The following PER2 variants were observed in gnomAD, a reference collection of about 807,000 sequenced individuals.
PER2 encodes the protein period circadian protein homolog 2.
Under a neutral mutation model 121.0 loss-of-function variants are expected in PER2, and 66 were observed. The ratio of observed to expected loss-of-function variants is 0.55; its 90% CI spans 0.45 to 0.67. PER2 has a LOEUF of 0.67. PER2 is among the 30% of genes least tolerant of loss of function. PER2 has a pLI of 0.00. For synonymous variants in PER2, 684 were observed against 659.9 expected (o/e 1.04, Z -0.56); for missense variants, 1,521 against 1,635.0 (o/e 0.93, Z 1.20).
intron 6 of PER2, among the ~76,000 whole-genome samples, chr2:238,269,340 C>T (rs12994572): frequency 0.083 from 12,115 of 146,368 alleles, 348 homozygotes; most frequent in Middle Eastern, 0.12. Context: ...AACACACTCA[C>T]GGTGCACTGC....
intron 9 of PER2, among the ~76,000 whole-genome samples, chr2:238,263,824 T>C (rs562480483): frequency 1.6e-4 from 24 of 152,346 alleles, no homozygotes; most frequent in African/African-American, 5.5e-4. Flanking sequence ...TATTCTTTGA[T>C]TTCCTCCTTC....
At chr2:238,248,913 C>T (rs1695520646) in intron 22 of PER2, 149 bp downstream of exon 22, 3 of 846,656 alleles carry the variant, frequency 3.5e-6, no homozygotes, top group Non-Finnish European at 4.0e-6. Context: ...CTTCGGCCTC[C>T]CAAAGTGCTG....
chr2:238,282,517 A>G (rs542897519), intron 1 of PER2, among the ~76,000 whole-genome samples: 1 of 152,218 alleles, frequency 6.6e-6, no homozygotes, highest in Non-Finnish European at 1.5e-5. Flanking sequence ...ACACCCACTA[A>G]AAGGATAGAG....
chr2:238,284,010 C>T (rs552771096), intron 1 of PER2, among the ~76,000 whole-genome samples: 1 of 152,300 alleles, frequency 6.6e-6, no homozygotes, highest in African/African-American at 2.4e-5. Flanking sequence ...TCCTTAACCT[C>T]CCTGAGCCTT....
In PER2 at chr2:238,263,165, A is replaced by G. The variant is rs768843917; in HGVS notation, c.1047-107T>C. On this transcript the variant is annotated intron_variant, in intron 9 of 22. Transcript: ENST00000254657. ...AAAGAGAAGATACACTCCAAACCCC[A>G]CCCCCTCCCCCACCCCCGGAGATCA... The G allele has an allele frequency of 4.5e-6, 3 of 671,104 alleles. No homozygotes were observed. The Admixed American group carries it at 7.0e-5, about 16-fold the overall frequency. 41.6% of individuals were successfully genotyped at this position (671,104 alleles called of 1,614,324 possible). A position where few individuals can be genotyped will look rare whatever the true frequency, so the allele number is the denominator to read the frequency against.
chr2:238,266,501 T>G (rs1157857762), intron 8 of PER2, among the ~76,000 whole-genome samples: 1 of 152,182 alleles, frequency 6.6e-6, no homozygotes, highest in Non-Finnish European at 1.5e-5. Context: ...ACAAAGCTGA[T>G]AGAGTAATTT....
intron 1 of PER2, among the ~76,000 whole-genome samples, chr2:238,282,388 C>T (rs1696655056): frequency 6.6e-6 from 1 of 152,130 alleles, no homozygotes; most frequent in South Asian, 2.1e-4. Flanking sequence ...CTGCCTGCCT[C>T]CCCTCTGGGA....
At chr2:238,288,006 T>C (rs1696840188) in intron 1 of PER2, among the ~76,000 whole-genome samples, 1 of 152,084 alleles carries the variant, frequency 6.6e-6, no homozygotes, top group Non-Finnish European at 1.5e-5. Context: ...GGGCGAACAT[T>C]AGAGGGTCTC....
In PER2 at chr2:238,260,859, T is replaced by C. The variant is rs1320524299; in HGVS notation, c.1511A>G (p.Asn504Ser). Residue 504 changes from asparagine to serine, a missense_variant, in exon 13 of 23, where the codon AAC (asparagine) becomes AGC (serine). Asn to Ser is a conservative substitution (Grantham distance 46). Transcript: ENST00000254657. ...CCTCCGGCGTGAGTCCTCATGGCCG[T>C]TGCTGTCGCTGGAGGAGGTCTGGCT... The part of the protein sequence containing the change: ...LMSQTSSSDS[N>S]GHEDSRRRRA... The C allele has an allele frequency of 4.3e-6, 7 of 1,614,084 alleles. No homozygotes were observed. The South Asian group carries it at 4.4e-5, about 10-fold the overall frequency.
At chr2:238,266,448 C>G (rs1368778625) in intron 8 of PER2, among the ~76,000 whole-genome samples, 1 of 152,116 alleles carries the variant, frequency 6.6e-6, no homozygotes, top group Non-Finnish European at 1.5e-5. Context: ...GCAAATGTCA[C>G]TATACTGGAG....
chr2:238,266,627 T>C (rs1696121317), intron 8 of PER2, among the ~76,000 whole-genome samples: 1 of 152,240 alleles, frequency 6.6e-6, no homozygotes, highest in African/African-American at 2.4e-5. Context: ...CTTGTTGAAC[T>C]CTAAGTACCC....
chr2:238,250,753 C>T lies in PER2; in HGVS notation c.3275-10G>A. On this transcript the variant is annotated splice_polypyrimidine_tract_variant and intron_variant, in intron 20 of 22. Coordinates refer to ENST00000254657, the MANE Select transcript of PER2 (RefSeq NM_022817.3). ...CTTGTGTCACTACTGCCTTTAAAAA[C>T]AAAAAACGTGGTGCGTCAAAACATT... The T allele has an allele frequency of 2.5e-6, 4 of 1,599,076 alleles. No individual in the cohort carries two copies. The highest frequency in any genetic ancestry group is 1.1e-5 in the South Asian group (1 of 90,666).
At chr2:238,286,144 G>A (rs1332616150) in intron 1 of PER2, among the ~76,000 whole-genome samples, 2 of 152,110 alleles carry the variant, frequency 1.3e-5, no homozygotes, top group African/African-American at 2.4e-5. Context: ...AGCAAATAAA[G>A]GCAAAAGTGT....
In PER2 at chr2:238,262,296, C is replaced by A. The variant is rs774249054; in HGVS notation, c.1202G>T (p.Arg401Leu). 4 of 1,613,936 alleles carry A rather than the reference C, an allele frequency of 2.5e-6. No homozygotes were observed. The East Asian group carries it at 8.9e-5, about 36-fold the overall frequency. Residue 401 changes from arginine (R) to leucine (L), a missense_variant, in exon 11 of 23, where the codon CGC becomes CTC. By Grantham distance (102) the Arg-to-Leu change is moderately radical. Coordinates refer to ENST00000254657, the MANE Select transcript of PER2 (RefSeq NM_022817.3). The stretch of plus-strand genomic sequence containing the variant: ...CGTGATGTACTCTCCGTTCCGGGCG[C>A]GAAACCGAATGGGAGAATAGTCGAA... Reference protein sequence around the residue: ...QPFDYSPIRFRARNGEYITLD... With the variant: ...QPFDYSPIRFLARNGEYITLD...
At chr2:238,273,006 G>C (rs1696336891) in intron 5 of PER2, 64 bp downstream of exon 5, 1 of 1,552,336 alleles carries the variant, frequency 6.4e-7, no homozygotes, top group African/African-American at 1.4e-5. Context: ...GCAGTGCTGA[G>C]CTAGCTCGCC....
chr2:238,292,558 T>C (rs1200162126), upstream of PER2, among the ~76,000 whole-genome samples: 1 of 152,206 alleles, frequency 6.6e-6, no homozygotes, highest in Non-Finnish European at 1.5e-5. Flanking sequence ...CGTTCCACCC[T>C]GGGGGAGGAA....
Position 238,260,837 on chromosome 2 carries a change from C to G in PER2, c.1533G>C (p.Arg511=), listed in dbSNP as rs754621441. 2 of 1,614,148 alleles carry G rather than the reference C, an allele frequency of 1.2e-6. No individual in the cohort carries two copies. Among genetic ancestry groups the G allele is most frequent in the African/African-American group, 2.7e-5 (2 of 75,062 alleles). Residue 511 remains arginine (R), a synonymous_variant, in exon 13 of 23, where the codon CGG becomes CGC. Transcript: ENST00000254657. ...SDSNGHEDSR[R]RRAEICKNGN... is the part of the protein sequence containing the mutation. ...ATGGAAGGAGACGTACGGCTCTCCT[C>G]CGGCGTGAGTCCTCATGGCCGTTGC...
Position 238,260,896 on chromosome 2 carries a change from C to T in PER2, c.1474G>A (p.Glu492Lys). Reference protein sequence around the residue: ...YGSLGSNGSHEHLMSQTSSSD... With the variant: ...YGSLGSNGSHKHLMSQTSSSD... ...GAGGAGGTCTGGCTCATAAGGTGCT[C>T]GTGGGACCCGTTGCTGCCCAGACTC... The change falls in exon 13 of 23, where the codon GAG (glutamate) becomes AAG (lysine). Residue 492 changes from glutamate to lysine, a missense_variant. Coordinates refer to ENST00000254657, the MANE Select transcript of PER2 (RefSeq NM_022817.3). 8.1e-6 allele frequency: 13 copies of T among 1,613,770 alleles called. No individual in the cohort carries two copies. The highest frequency in any genetic ancestry group is 2.2e-5 in the East Asian group (1 of 44,874).
upstream of PER2, among the ~76,000 whole-genome samples, chr2:238,291,478 C>T (rs546328839): frequency 1.3e-5 from 2 of 152,334 alleles, no homozygotes; most frequent in South Asian, 4.1e-4. Flanking sequence ...TTGTAGGTGG[C>T]ATGGTTTGCG....
Sources: gnomAD v4.1 joint callset for allele counts (sites outside exome capture counted in the v4.1 genomes callset) on GRCh38, gnomAD v4.1.1 for gene constraint, MANE v1.5 for transcripts, NCBI Gene and HGNC (gene_info 2026-07-23, HGNC 2026-07-21) for gene names.